Variants in TSR1 observed in about 807,000 individuals in gnomAD.
TSR1 encodes the protein pre-rRNA-processing protein TSR1 homolog.
A neutral mutation model predicts 90.9 loss-of-function variants in TSR1; 81 were observed. That is an observed-to-expected ratio of 0.89 (90% CI 0.74 to 1.07). The LOEUF is 1.07. Among genes scored for constraint, TSR1 ranks in the 50% least tolerant of loss-of-function variants. The pLI is 0.00. For synonymous variants in TSR1, 362 were observed against 348.8 expected (o/e 1.04, Z -0.42); for missense variants, 989 against 987.3 (o/e 1.00, Z -0.02).
Position 2,324,329 on chromosome 17 carries a change from G to C in TSR1, c.2282C>G (p.Ser761Cys). The change falls in exon 15 of 15, where the codon TCT becomes TGT. Residue 761 changes from serine to cysteine, a missense_variant. Coordinates refer to ENST00000301364, the MANE Select transcript of TSR1 (RefSeq NM_018128.5). ...CAGGTTCATCAGTACTGTGTCTTGA[G>C]ATTTTAGCTTCCCATCAAAGCTGCA... is the stretch of plus-strand genomic sequence containing the variant. The part of the protein sequence containing the change: ...MKCSFDGKLK[S>C]QDTVLMNLYK... 1 of 1,565,480 alleles carries C rather than the reference G, an allele frequency of 6.4e-7. No individual in the cohort carries two copies. Among genetic ancestry groups the C allele is most frequent in the East Asian group, 2.2e-5 (1 of 44,622 alleles).
chr17:2,329,623 G>T, intron 10 of TSR1, 148 bp from the exon 11 acceptor site: 2 of 986,332 alleles, frequency 2.0e-6, no homozygotes, highest in Non-Finnish European at 2.9e-6. Context: ...GCTGAAACAC[G>T]GGTTCATCCT....
At position 2,323,253 on chromosome 17, in the gene TSR1, G is replaced by C; in HGVS notation, c.*943C>G. On this transcript the variant is annotated 3_prime_UTR_variant, in exon 15 of 15. Transcript: ENST00000301364. The stretch of plus-strand genomic sequence containing the variant: ...TCTTTATCCTCCAGAAACCATAGCA[G>C]ATGGTGTCAAATCCAGCATTGGCTT... 2 of 1,614,212 alleles carry C rather than the reference G, an allele frequency of 1.2e-6. No individual in the cohort carries two copies. The highest frequency in any genetic ancestry group is 2.2e-5 in the South Asian group (2 of 91,088).
At position 2,335,821 on chromosome 17, in the gene TSR1, C is replaced by G. The variant is rs531084673; in HGVS notation, c.202-91G>C. 3.4e-4 allele frequency: 490 copies of G among 1,423,136 alleles called. 1 individual carries two copies. In the African/African-American group the frequency reaches 6.5e-3, roughly 19 times the overall value. The allele number at this position is 1,423,136 out of a possible 1,614,324, so 88.2% of individuals were successfully genotyped here. ...CACTCCCACAGATGCTCCCCCTACC[C>G]AAAACCAGCATCTCTCTAGTAAAAG... On this transcript the variant is annotated intron_variant, in intron 2 of 14. Coordinates refer to ENST00000301364, the MANE Select transcript of TSR1 (RefSeq NM_018128.5).
chr17:2,330,388 A>T, intron 10 of TSR1, 127 bp downstream of exon 10: 1 of 819,958 alleles, frequency 1.2e-6, no homozygotes, highest in South Asian at 1.3e-5. Flanking sequence ...CCAATTCCTA[A>T]TCATAAAGGC....
At position 2,331,013 on chromosome 17, in the gene TSR1, C is replaced by G; in HGVS notation, c.1593G>C (p.Gln531His). 6.2e-7 allele frequency: 1 copy of G among 1,611,584 alleles called. No individual in the cohort carries two copies. Among genetic ancestry groups the G allele is most frequent in the Non-Finnish European group, 8.5e-7 (1 of 1,179,432 alleles). Residue 531 changes from glutamine to histidine, a missense_variant, in exon 9 of 15, where the codon CAG (glutamine) becomes CAC (histidine). Coordinates refer to ENST00000301364, the MANE Select transcript of TSR1 (RefSeq NM_018128.5). The part of the protein sequence containing the change: ...PQDYARIFQF[Q>H]NFTNTRKSIF... Reference sequence around the variant, plus strand: ...TGCTTTTCCTAGTGTTAGTAAAGTTCTGAAACTGAAATATTCGAGCATAAT... The same window carrying G: ...TGCTTTTCCTAGTGTTAGTAAAGTTGTGAAACTGAAATATTCGAGCATAAT...
At position 2,334,494 on chromosome 17, in the gene TSR1, T is replaced by A; in HGVS notation, c.959A>T (p.Lys320Met). Residue 320 changes from lysine (K) to methionine (M), a missense_variant, in exon 5 of 15, where the codon AAG becomes ATG. Coordinates refer to ENST00000301364, the MANE Select transcript of TSR1 (RefSeq NM_018128.5). Reference protein sequence around the residue: ...PLNPRGIKPQKDPDMAMEICA... With the variant: ...PLNPRGIKPQMDPDMAMEICA... The stretch of plus-strand genomic sequence containing the variant: ...TACCTCCATTGCCATGTCTGGGTCC[T>A]TTTGGGGTTTAATTCCTCTAGGATT... The A allele has an allele frequency of 6.2e-7, 1 of 1,613,616 alleles. No individual in the cohort carries two copies. The highest frequency in any genetic ancestry group is 1.1e-5 in the South Asian group (1 of 91,078).
At chr17:2,333,376 GA>G (rs2064021592) in intron 6 of TSR1, 180 bp downstream of exon 6, 10 of 918,430 alleles carry the variant, frequency 1.1e-5, no homozygotes, top group Non-Finnish European at 1.7e-5. Flanking sequence ...GTAATTTTGA[GA>G]AATGGAACAA....
In TSR1 at chr17:2,335,527, GA is replaced by G; in HGVS notation, c.404del (p.Phe135SerfsTer13). Reference protein sequence around the residue: ...LCPRLKHRWFFTSARPGDLHV... With the variant: ...LCPRLKHRWFXTSARPGDLHV... ...TACTCTAACCTGGCCTTGCTGAGGT[GA>G]AAAACCACCGATGTTTCAAGCGGGG... is the stretch of plus-strand genomic sequence containing the variant. On this transcript the variant is annotated frameshift_variant, in exon 3 of 15. Transcript: ENST00000301364. LOFTEE classifies it high-confidence loss of function. 7 of 1,613,936 alleles carry G rather than the reference GA, an allele frequency of 4.3e-6. No homozygotes were observed. The highest frequency in any genetic ancestry group is 5.9e-6 in the Non-Finnish European group (7 of 1,180,002).
At chr17:2,333,260 C>G in intron 6 of TSR1, 136 bp from the exon 7 acceptor site, 1 of 1,072,870 alleles carries the variant, frequency 9.3e-7, no homozygotes, top group Non-Finnish European at 1.4e-6. Flanking sequence ...AGAACTACTT[C>G]CAAATTTAAT....
chr17:2,336,411 G>T lies in TSR1; in HGVS notation c.17C>A (p.Pro6His). 2 of 1,611,610 alleles carry T rather than the reference G, an allele frequency of 1.2e-6. No individual in the cohort carries two copies. Among genetic ancestry groups the T allele is most frequent in the Non-Finnish European group, 1.7e-6 (2 of 1,179,966 alleles). Residue 6 changes from proline to histidine, a missense_variant, in exon 1 of 15, where the codon CCC (proline) becomes CAC (histidine). By Grantham distance (77) the Pro-to-His change is moderately conservative. Transcript: ENST00000301364. ...TTTATTCTGCTGCTTGAGCGGGCCG[G>T]GGCGGTGGGCCGCCATGCCGCAGCG... MAAHR[P>H]GPLKQQNKAH...
rs1377398572 is a variant in TSR1 at position 2,333,141 on chromosome 17, A to C, written c.1142-17T>G. The stretch of plus-strand genomic sequence containing the variant: ...TCAAGAAATCTGTAAAAGCCCAAAC[A>C]AATTAAGTAAATTACAGACTTCTTT... On this transcript the variant is annotated splice_polypyrimidine_tract_variant and intron_variant, in intron 6 of 14. Coordinates refer to ENST00000301364, the MANE Select transcript of TSR1 (RefSeq NM_018128.5). 2.5e-6 allele frequency: 4 copies of C among 1,612,234 alleles called. No homozygotes were observed. The highest frequency in any genetic ancestry group is 1.7e-5 in the Admixed American group (1 of 59,800).
Position 2,324,045 on chromosome 17 carries a change from G to A in TSR1, c.*151C>T. Reference sequence around the variant, plus strand: ...TGGAAAAACTTTTATACTTAACTGAGACATTTTGTCAAGGCTAAAAAAAAG... The same window carrying A: ...TGGAAAAACTTTTATACTTAACTGAAACATTTTGTCAAGGCTAAAAAAAAG... On this transcript the variant is annotated 3_prime_UTR_variant, in exon 15 of 15. Coordinates refer to ENST00000301364, the MANE Select transcript of TSR1 (RefSeq NM_018128.5). The A allele has an allele frequency of 2.5e-6, 3 of 1,219,304 alleles. No homozygotes were observed. The highest frequency in any genetic ancestry group is 3.4e-6 in the Non-Finnish European group (3 of 877,838). The allele number at this position is 1,219,304 out of a possible 1,614,324, so 75.5% of individuals were successfully genotyped here. A position where few individuals can be genotyped will look rare whatever the true frequency, so the allele number is the denominator to read the frequency against.
chr17:2,331,580 T>C (rs529710976), intron 8 of TSR1, among the ~76,000 whole-genome samples: 2 of 152,288 alleles, frequency 1.3e-5, no homozygotes, highest in South Asian at 2.1e-4. Context: ...CCCTCCACCT[T>C]CTGCCATGAT....
At chr17:2,330,184 G>GT in intron 10 of TSR1, 1 of 465,868 alleles carries the variant, frequency 2.1e-6, no homozygotes, top group Non-Finnish European at 4.3e-6. Context: ...CTCCCAAAAA[G>GT]TGCTGGGATT....
rs376309349 is a variant in TSR1 at position 2,335,580 on chromosome 17, T to C, written c.352A>G (p.Asn118Asp). ...TGTVHLNELGNTQNFMLLCPR... is the reference protein window; with the variant it reads ...TGTVHLNELGDTQNFMLLCPR... ...CACAGCAGCATAAAGTTCTGGGTGT[T>C]TCCCAATTCATTCAAGTGTACTGTT... is the stretch of plus-strand genomic sequence containing the variant. Residue 118 changes from asparagine to aspartate, a missense_variant, in exon 3 of 15, where the codon AAC becomes GAC. Transcript: ENST00000301364. The C allele has an allele frequency of 1.3e-5, 21 of 1,614,052 alleles. No homozygotes were observed. The highest frequency in any genetic ancestry group is 1.8e-5 in the Non-Finnish European group (21 of 1,180,032).
At chr17:2,324,974 A>G (rs930507077) in intron 12 of TSR1, 145 bp from the exon 13 acceptor site, 15 of 865,734 alleles carry the variant, frequency 1.7e-5, no homozygotes, top group East Asian at 1.1e-4. Context: ...GTAAACTGTA[A>G]GCCCACACTT....
At chr17:2,325,468 A>G in intron 11 of TSR1, 48 bp from the exon 12 acceptor site, 2 of 1,387,558 alleles carry the variant, frequency 1.4e-6, no homozygotes, top group Non-Finnish European at 2.0e-6. Context: ...TTGAGAAACC[A>G]GAGGTGATAG....
Position 2,329,345 on chromosome 17 carries a change from G to T in TSR1, c.1901C>A (p.Ala634Glu), listed in dbSNP as rs936849873. ...RASPLFSQHT[A>E]ADKHKLQRFL... is the part of the protein sequence containing the mutation. The stretch of plus-strand genomic sequence containing the variant: ...AACCCAGCTTCCCCATTGCTAACCT[G>T]CAGTGTGCTGAGAGAATAAAGGTGA... Residue 634 changes from alanine to glutamate, a missense_variant and splice_region_variant, in exon 11 of 15, where the codon GCA (alanine) becomes GAA (glutamate). Coordinates refer to ENST00000301364, the MANE Select transcript of TSR1 (RefSeq NM_018128.5). 1.2e-6 allele frequency: 2 copies of T among 1,614,012 alleles called. No homozygotes were observed. Among genetic ancestry groups the T allele is most frequent in the Admixed American group, 3.3e-5 (2 of 59,980 alleles).
chr17:2,327,687 G>C (rs995793969), intron 11 of TSR1, among the ~76,000 whole-genome samples: 1 of 151,948 alleles, frequency 6.6e-6, no homozygotes, highest in Non-Finnish European at 1.5e-5. Context: ...TGACAATAAA[G>C]CATTAAAAGT....
Sources: allele counts gnomAD v4.1 joint callset (sites outside exome capture counted in the v4.1 genomes callset), GRCh38; gene constraint gnomAD v4.1.1; transcripts MANE v1.5; gene names NCBI Gene and HGNC (gene_info 2026-07-23, HGNC 2026-07-21).